The following PRTG variants were observed in gnomAD, a reference collection of about 807,000 sequenced individuals.
PRTG encodes protogenin.
In PRTG, 67 loss-of-function variants were observed where a neutral mutation model predicts 122.5. That is an observed-to-expected ratio of 0.55 (90% confidence interval 0.45 to 0.67). PRTG has a LOEUF of 0.67. Ranked by LOEUF, PRTG falls within the 30% of genes least tolerant of loss-of-function variation. PRTG has a pLI of 0.00. For missense variants in PRTG, 1,435 were observed against 1,415.4 expected, an observed-to-expected ratio of 1.01 and a Z score of -0.22; for synonymous variants, 554 against 501.1, an observed-to-expected ratio of 1.11 and a Z score of -1.41.
Position 55,620,373 on chromosome 15 carries a change from G to A in PRTG, c.3199-107C>T, listed in dbSNP as rs114929073. The stretch of plus-strand genomic sequence containing the variant: ...AGGTGGGAGCACATCAGAATTACCC[G>A]TGGCAAGCGAAGTGTCAAAAGCTTC... On this transcript the variant is annotated intron_variant, in intron 19 of 19. Transcript: ENST00000389286. 5.2e-4 allele frequency: 783 copies of A among 1,515,120 alleles called. No individual in the cohort carries two copies. The African/African-American group carries it at 9.7e-3, about 19-fold the overall frequency. 93.9% of individuals were successfully genotyped at this position (1,515,120 alleles called of 1,614,324 possible).
At chr15:55,679,679 ATG>A (rs1386054101) in intron 6 of PRTG, 2 of 449,626 alleles carry the variant, frequency 4.4e-6, no homozygotes, top group African/African-American at 3.9e-5. Flanking sequence ...CTTAAAATAT[ATG>A]TACCTATCAT....
chr15:55,643,079 AAACT>A (rs147450622), intron 11 of PRTG, among the ~76,000 whole-genome samples: 2,652 of 152,224 alleles, frequency 0.017, 89 homozygotes, highest in African/African-American at 0.061. Flanking sequence ...TCTCTCAAAT[AAACT>A]AACTAAATAA....
rs2059124695 is a variant in PRTG at position 55,612,548 on chromosome 15, G to A, written c.*7464C>T. On this transcript the variant is annotated 3_prime_UTR_variant, in exon 20 of 20. Transcript: ENST00000389286. ...CAGTATGTGTTGCCCTATATAAAATGCATTCATTTGGAATAGTTTGCAGAA... is the reference window on the plus strand; with the variant it reads ...CAGTATGTGTTGCCCTATATAAAATACATTCATTTGGAATAGTTTGCAGAA... 1 of 151,462 alleles carries A rather than the reference G, an allele frequency of 6.6e-6. No individual in the cohort carries two copies. The highest frequency in any genetic ancestry group is 1.5e-5 in the Non-Finnish European group (1 of 67,828). The allele number at this position is 151,462 out of a possible 1,614,324, so 9.4% of individuals were successfully genotyped here. A position where few individuals can be genotyped will look rare whatever the true frequency, so the allele number is the denominator to read the frequency against.
In PRTG at chr15:55,623,696, C is replaced by T. The variant is rs77606750; in HGVS notation, c.3093+646G>A. Among the ~76,000 whole-genome samples the T allele has an allele frequency of 2.9e-3, 437 of 152,240 alleles. 5 individuals are homozygous for T. Among genetic ancestry groups the T allele is most frequent in the Non-Finnish European group, 4.7e-3 (318 of 68,016 alleles). On this transcript the variant is annotated intron_variant, in intron 18 of 19. Coordinates refer to ENST00000389286, the MANE Select transcript of PRTG (RefSeq NM_173814.6). ...TTGGTTGTGGGAGCTATTCCAATAACGTACAGTATCTAAAGTTGTAATGTG... is the reference window on the plus strand; with the variant it reads ...TTGGTTGTGGGAGCTATTCCAATAATGTACAGTATCTAAAGTTGTAATGTG...
In PRTG at chr15:55,639,811, C is replaced by T. The variant is rs1368034290; in HGVS notation, c.2155G>A (p.Val719Ile). The stretch of plus-strand genomic sequence containing the variant: ...TGGTGGGGTGGTGGTGGAGGAGGGA[C>T]CATGCGATCACGAACAGCTATTGAG... Reference protein sequence around the residue: ...PGCVSVRDRMVPPPPPPHHLY... With the variant: ...PGCVSVRDRMIPPPPPPHHLY... Residue 719 changes from valine to isoleucine, a missense_variant, in exon 13 of 20, where the codon GTC becomes ATC. Transcript: ENST00000389286. 1.2e-6 allele frequency: 2 copies of T among 1,613,892 alleles called. No individual in the cohort carries two copies. The highest frequency in any genetic ancestry group is 3.3e-5 in the Admixed American group (2 of 59,998).
At chr15:55,713,641 C>T (rs1202929474) in intron 2 of PRTG, among the ~76,000 whole-genome samples, 1 of 152,118 alleles carries the variant, frequency 6.6e-6, no homozygotes. Flanking sequence ...AAAATAGTAT[C>T]TTCTTTAAAA....
At chr15:55,646,595 T>G (rs1343016573) in intron 11 of PRTG, among the ~76,000 whole-genome samples, 1 of 152,198 alleles carries the variant, frequency 6.6e-6, no homozygotes, top group Non-Finnish European at 1.5e-5. Flanking sequence ...GTGCTGGGAT[T>G]ACAGGCGTGA....
chr15:55,703,954 C>T lies in PRTG; in HGVS notation c.398-20023G>A. ...GTATGCGACATGCTAATGCATTTAT[C>T]AAGTGATTATTCTTGGCCCCTCTGC... is the stretch of plus-strand genomic sequence containing the variant. On this transcript the variant is annotated intron_variant, in intron 2 of 19. Transcript: ENST00000389286. Among the ~76,000 whole-genome samples the T allele has an allele frequency of 1.3e-5, 2 of 152,122 alleles. 1 individual carries two copies. Among genetic ancestry groups the T allele is most frequent in the East Asian group, 3.9e-4 (2 of 5,188 alleles).
chr15:55,673,865 G>C (rs1180065682), intron 9 of PRTG, among the ~76,000 whole-genome samples, 189 bp from the exon 10 acceptor site: 1 of 152,212 alleles, frequency 6.6e-6, no homozygotes, highest in Non-Finnish European at 1.5e-5. Flanking sequence ...GGAGGGCTAA[G>C]TGTGTGGAAA....
At position 55,652,251 on chromosome 15, in the gene PRTG, C is replaced by A. The variant is rs147793277; in HGVS notation, c.2042-11043G>T. 7.4e-4 allele frequency among the ~76,000 whole-genome samples: 113 copies of A among 152,038 alleles called. 1 individual carries two copies. Among genetic ancestry groups the A allele is most frequent in the African/African-American group, 2.5e-3 (104 of 41,478 alleles). On this transcript the variant is annotated intron_variant, in intron 11 of 19. Transcript: ENST00000389286. The stretch of plus-strand genomic sequence containing the variant: ...GCAATCAGAAAATATGCTGATATAA[C>A]GTCAGGATATGCCTAATGTATATCC...
At chr15:55,740,757 A>G in intron 1 of PRTG, 73 bp from the exon 2 acceptor site, 3 of 1,279,462 alleles carry the variant, frequency 2.3e-6, no homozygotes, top group Non-Finnish European at 3.3e-6. Context: ...ACACAACTGT[A>G]AAACACATAT....
Position 55,628,285 on chromosome 15 carries a change from G to A in PRTG, c.2806+537C>T, listed in dbSNP as rs117295680. 2.0e-3 allele frequency among the ~76,000 whole-genome samples: 310 copies of A among 152,142 alleles called. 3 individuals are homozygous for A. The East Asian group carries it at 0.029, about 14-fold the overall frequency. On this transcript the variant is annotated intron_variant, in intron 16 of 19. Coordinates refer to ENST00000389286, the MANE Select transcript of PRTG (RefSeq NM_173814.6). ...CAGTGTCCAGTCCTGTGCTACAGGG[G>A]GCACCAGCTTTCTTGAGAACACATG...
intron 2 of PRTG, among the ~76,000 whole-genome samples, chr15:55,704,236 G>A (rs1435463989): frequency 6.6e-6 from 1 of 152,172 alleles, no homozygotes; most frequent in Non-Finnish European, 1.5e-5. Flanking sequence ...TAGCTCAACT[G>A]TGCAGGAAGA....
At chr15:55,642,151 G>GCA in intron 11 of PRTG, among the ~76,000 whole-genome samples, 28 of 137,660 alleles carry the variant, frequency 2.0e-4, no homozygotes, top group African/African-American at 8.3e-4. Context: ...TCCGCAGTCC[G>GCA]GCCTGGGCGA....
At chr15:55,712,651 C>G (rs2030434303) in intron 2 of PRTG, among the ~76,000 whole-genome samples, 1 of 152,086 alleles carries the variant, frequency 6.6e-6, no homozygotes, top group Admixed American at 6.6e-5. Flanking sequence ...CAATTTAGTG[C>G]CAAGTACAGA....
intron 2 of PRTG, among the ~76,000 whole-genome samples, chr15:55,722,793 T>C (rs1301213754): frequency 6.6e-6 from 1 of 151,858 alleles, no homozygotes; most frequent in Non-Finnish European, 1.5e-5. Context: ...TTTGACAAGG[T>C]CAGAGCAGCA....
intron 11 of PRTG, among the ~76,000 whole-genome samples, chr15:55,663,062 A>G (rs976281749): frequency 3.9e-5 from 6 of 152,224 alleles, no homozygotes; most frequent in Non-Finnish European, 5.9e-5. Flanking sequence ...CCTACTCCAG[A>G]GTAAAAGTAC....
Position 55,679,317 on chromosome 15 carries a change from GTATCTTCCTTCCATTTTT to G in PRTG, c.1084_1101del (p.Lys362_Ile367del). The G allele has an allele frequency of 6.2e-7, 1 of 1,612,818 alleles. No individual in the cohort carries two copies. ...TACATTTTAATTCTACCATTCGAAT[GTATCTTCCTTCCATTTTT>G]CAACCATGACATCTTGGGAGAGGGG... is the stretch of plus-strand genomic sequence containing the variant. On this transcript the variant is annotated inframe_deletion, in exon 7 of 20. Transcript: ENST00000389286.
chr15:55,639,312 T>C (rs1424049354), intron 13 of PRTG, among the ~76,000 whole-genome samples: 1 of 152,198 alleles, frequency 6.6e-6, no homozygotes, highest in African/African-American at 2.4e-5. Flanking sequence ...CTGGCCCTAC[T>C]TTTTGACTGC....
Sources: gnomAD v4.1 joint callset for allele counts (sites outside exome capture counted in the v4.1 genomes callset) on GRCh38, gnomAD v4.1.1 for gene constraint, MANE v1.5 for transcripts, NCBI Gene and HGNC (gene_info 2026-07-23, HGNC 2026-07-21) for gene names.